BMPR1B: variants seen among roughly 807,000 people sequenced by gnomAD.
BMPR1B encodes bone morphogenetic protein receptor type 1B, also known as bone morphogenetic protein receptor type-1B.
BMPR1B carries 12 observed loss-of-function variants against 59.1 expected under a neutral mutation model. The ratio of observed to expected loss-of-function variants is 0.20; its 90% CI spans 0.13 to 0.33. The LOEUF is 0.33. BMPR1B is among the 10% of genes least tolerant of loss of function. The probability of loss-of-function intolerance (pLI) is 1.00; values close to 1 mark genes in which losing one functional copy is unlikely to be tolerated. For missense variants in BMPR1B, 550 were observed against 610.9 expected, an observed-to-expected ratio of 0.90 and a Z score of 1.05; for synonymous variants, 237 against 207.3, an observed-to-expected ratio of 1.14 and a Z score of -1.23.
chr4:94,762,902 T>A (rs147733140), intron 1 of BMPR1B, among the ~76,000 whole-genome samples: 6 of 151,682 alleles, frequency 4.0e-5, no homozygotes, highest in South Asian at 2.1e-4. Context: ...TGTGCCAGGA[T>A]CTACATTGCA....
chr4:94,792,488 TAC>T (rs1303445466), intron 1 of BMPR1B, among the ~76,000 whole-genome samples: 1 of 151,836 alleles, frequency 6.6e-6, no homozygotes, highest in Non-Finnish European at 1.5e-5. Flanking sequence ...CACACACACA[TAC>T]ACACACGCAC....
At chr4:95,135,668 G>T (rs1194311566) in intron 10 of BMPR1B, among the ~76,000 whole-genome samples, 1 of 152,084 alleles carries the variant, frequency 6.6e-6, no homozygotes, top group Non-Finnish European at 1.5e-5. Context: ...CTGTTTGTCT[G>T]TTATTTGTGT....
At chr4:94,952,589 C>T (rs1166338742) in intron 2 of BMPR1B, among the ~76,000 whole-genome samples, 4 of 152,122 alleles carry the variant, frequency 2.6e-5, no homozygotes, top group Non-Finnish European at 4.4e-5. Context: ...TTTCTTAATT[C>T]TGAGTTCTAA....
chr4:94,910,543 A>G (rs1578792379), intron 2 of BMPR1B, among the ~76,000 whole-genome samples: 1 of 152,226 alleles, frequency 6.6e-6, no homozygotes, highest in Non-Finnish European at 1.5e-5. Context: ...GATGTTCAGT[A>G]TAATTTGTCA....
chr4:94,804,590 C>CTTTTTTT (rs5860375), intron 1 of BMPR1B, among the ~76,000 whole-genome samples: 3 of 121,568 alleles, frequency 2.5e-5, no homozygotes, highest in Non-Finnish European at 3.3e-5. Flanking sequence ...CTTTGTAATA[C>CTTTTTTT]TTTTTTTTTT....
intron 3 of BMPR1B, among the ~76,000 whole-genome samples, chr4:95,040,132 C>T (rs999816308): frequency 6.6e-6 from 1 of 151,900 alleles, no homozygotes; most frequent in Admixed American, 6.6e-5. Context: ...TATACAAGAA[C>T]AAAATTTTTC....
chr4:94,783,914 G>A (rs949312047), intron 1 of BMPR1B, among the ~76,000 whole-genome samples: 1 of 152,094 alleles, frequency 6.6e-6, no homozygotes, highest in Non-Finnish European at 1.5e-5. Context: ...CCTTTGACTT[G>A]GAGCCCCATT....
intron 1 of BMPR1B, among the ~76,000 whole-genome samples, chr4:94,800,887 T>C (rs1159181763): frequency 1.3e-5 from 2 of 152,200 alleles, no homozygotes; most frequent in African/African-American, 4.8e-5. Context: ...CAGTGTAAAA[T>C]AGGATACAAC....
At chr4:95,149,127 C>T (rs1734853119) in intron 11 of BMPR1B, among the ~76,000 whole-genome samples, 1 of 152,144 alleles carries the variant, frequency 6.6e-6, no homozygotes, top group Non-Finnish European at 1.5e-5. Flanking sequence ...CTCCAGCTGC[C>T]ACTAGACACA....
At chr4:95,082,805 G>A (rs981093284) in intron 3 of BMPR1B, among the ~76,000 whole-genome samples, 4 of 151,952 alleles carry the variant, frequency 2.6e-5, no homozygotes, top group East Asian at 1.9e-4. Flanking sequence ...TTGGGAGGCC[G>A]AGGCGGGCGG....
At position 95,130,945 on chromosome 4, in the gene BMPR1B, G is replaced by A. The variant is rs528243323; in HGVS notation, c.779-270G>A. 2.6e-5 allele frequency among the ~76,000 whole-genome samples: 4 copies of A among 151,838 alleles called. No individual in the cohort carries two copies. In the South Asian group the frequency reaches 8.3e-4, roughly 32 times the overall value. ...GGGTTTCACCATGTTGACCAGAGTG[G>A]TCTTGAACTCCTGACCTCAAGTGAT... On this transcript the variant is annotated intron_variant, in intron 9 of 12. Transcript: ENST00000515059.
At chr4:95,103,473 A>C (rs1038640470) in intron 3 of BMPR1B, 3 of 985,360 alleles carry the variant, frequency 3.0e-6, no homozygotes, top group Middle Eastern at 1.0e-3. Flanking sequence ...ATGCAGTTAC[A>C]TGGCATGTAT....
intron 2 of BMPR1B, among the ~76,000 whole-genome samples, chr4:94,927,661 A>G (rs117076088): frequency 0.019 from 2,925 of 152,188 alleles, 60 homozygotes; most frequent in East Asian, 0.096. Context: ...CATGAAGGAA[A>G]CTGCCATGTT....
At chr4:94,863,245 G>C (rs1156897826) in intron 1 of BMPR1B, among the ~76,000 whole-genome samples, 1 of 152,142 alleles carries the variant, frequency 6.6e-6, no homozygotes, top group East Asian at 1.9e-4. Context: ...TTATTACCTG[G>C]GTGATGAAAT....
At chr4:94,889,951 C>T (rs1263461364) in intron 2 of BMPR1B, among the ~76,000 whole-genome samples, 1 of 151,480 alleles carries the variant, frequency 6.6e-6, no homozygotes, top group Non-Finnish European at 1.5e-5. Flanking sequence ...TTTCTGACCC[C>T]TCCTCTACCC....
chr4:94,807,284 T>C (rs982103814), intron 1 of BMPR1B, among the ~76,000 whole-genome samples: 6 of 152,046 alleles, frequency 3.9e-5, no homozygotes, highest in Non-Finnish European at 1.5e-5. Context: ...TTAGTACAGA[T>C]GGGATTTCAC....
intron 2 of BMPR1B, among the ~76,000 whole-genome samples, chr4:94,931,419 G>T (rs977190082): frequency 3.9e-5 from 6 of 152,042 alleles, no homozygotes; most frequent in Admixed American, 1.3e-4. Flanking sequence ...TGAAAGGACA[G>T]GATCTTTTTA....
chr4:95,000,737 A>C (rs1404028690), intron 3 of BMPR1B, among the ~76,000 whole-genome samples: 1 of 152,184 alleles, frequency 6.6e-6, no homozygotes, highest in Non-Finnish European at 1.5e-5. Context: ...GAAAGATTAT[A>C]ACAACAACAA....
intron 1 of BMPR1B, among the ~76,000 whole-genome samples, chr4:94,761,579 A>G (rs1310076980): frequency 6.6e-6 from 1 of 152,078 alleles, no homozygotes; most frequent in Admixed American, 6.6e-5. Flanking sequence ...CATCTGTTTT[A>G]CATATCAGAC....
Sources: gnomAD v4.1 joint callset for allele counts (sites outside exome capture counted in the v4.1 genomes callset) on GRCh38, gnomAD v4.1.1 for gene constraint, MANE v1.5 for transcripts, NCBI Gene and HGNC (gene_info 2026-07-23, HGNC 2026-07-21) for gene names.